CHIC1: variants seen among roughly 807,000 people sequenced by gnomAD.
CHIC1 encodes cysteine rich hydrophobic domain 1, also known as cysteine-rich hydrophobic domain-containing protein 1.
A neutral mutation model predicts 18.5 loss-of-function variants in CHIC1; 7 were observed. The observed-to-expected ratio is 0.38, with a 90% CI of 0.22 to 0.71. The LOEUF (loss-of-function observed/expected upper bound fraction) is 0.71. Ranked by LOEUF, CHIC1 falls within the 30% of genes least tolerant of loss-of-function variation. The pLI, the probability that CHIC1 is intolerant of heterozygous loss-of-function variation, is 0.49. For missense variants in CHIC1, 159 were observed against 176.9 expected, an observed-to-expected ratio of 0.90 and a Z score of 0.57; for synonymous variants, 77 against 73.5, an observed-to-expected ratio of 1.05 and a Z score of -0.25.
chrX:73,664,673 T>C (rs892435366), intron 3 of CHIC1, among the ~76,000 whole-genome samples: 1 of 111,690 alleles, frequency 9.0e-6, no homozygotes, highest in Admixed American at 9.5e-5. Flanking sequence ...AACTCCACTT[T>C]GGGGAATTCA....
intron 3 of CHIC1, among the ~76,000 whole-genome samples, chrX:73,668,821 A>T (rs1381191974): frequency 8.9e-6 from 1 of 112,363 alleles, no homozygotes; most frequent in Non-Finnish European, 1.9e-5. Context: ...AGTCAGGAGG[A>T]ACAAGATCAG....
intron 3 of CHIC1, among the ~76,000 whole-genome samples, chrX:73,601,698 A>G (rs2057651450): frequency 9.6e-6 from 1 of 103,750 alleles, no homozygotes. Context: ...GAAGGCAAGA[A>G]ATAACTAAAA....
chrX:73,678,951 A>G lies in CHIC1; in HGVS notation c.508-375A>G, dbSNP rs890302329. On this transcript the variant is annotated intron_variant, in intron 3 of 5. Coordinates refer to ENST00000373502, the MANE Select transcript of CHIC1 (RefSeq NM_001039840.4). ...TTAGATGATTATTTAAAGTAATCCT[A>G]AGACAGTTATGTGAAAATCTAGATT... Among the ~76,000 whole-genome samples, 26 of 112,094 alleles carry G rather than the reference A, an allele frequency of 2.3e-4. No individual in the cohort carries two copies. In the Admixed American group the frequency reaches 2.4e-3, roughly 10 times the overall value.
At chrX:73,606,751 T>C (rs2147572030) in intron 3 of CHIC1, among the ~76,000 whole-genome samples, 1 of 109,031 alleles carries the variant, frequency 9.2e-6, no homozygotes, top group African/African-American at 3.6e-5. Flanking sequence ...GCTGCAGGAC[T>C]GCTGAAGTTT....
At chrX:73,572,936 A>C (rs1268189013) in intron 1 of CHIC1, among the ~76,000 whole-genome samples, 1 of 111,137 alleles carries the variant, frequency 9.0e-6, no homozygotes, top group East Asian at 2.8e-4. Flanking sequence ...GCTGTGCAGA[A>C]GCTCTTTAGT....
chrX:73,649,856 G>A (rs1324388284), intron 3 of CHIC1, among the ~76,000 whole-genome samples: 7 of 112,213 alleles, frequency 6.2e-5, no homozygotes, highest in African/African-American at 2.3e-4. Flanking sequence ...GACATCTAAA[G>A]AACTCTCCAC....
At chrX:73,567,863 T>G (rs1390196477) in intron 1 of CHIC1, among the ~76,000 whole-genome samples, 1 of 109,547 alleles carries the variant, frequency 9.1e-6, no homozygotes, top group Non-Finnish European at 1.9e-5. Flanking sequence ...ATGCTAATAT[T>G]CACCTCCCGT....
intron 3 of CHIC1, among the ~76,000 whole-genome samples, chrX:73,607,539 A>C (rs755844483): frequency 9.3e-6 from 1 of 107,957 alleles, no homozygotes; most frequent in Non-Finnish European, 1.9e-5. Context: ...TGAAAAAAAA[A>C]CACTTCTGCA....
At chrX:73,669,287 CT>C (rs2147623538) in intron 3 of CHIC1, among the ~76,000 whole-genome samples, 1 of 112,190 alleles carries the variant, frequency 8.9e-6, no homozygotes, top group Non-Finnish European at 1.9e-5. Flanking sequence ...GCAGGCATGG[CT>C]GAAAGGTCCT....
chrX:73,655,645 GTGTGTATATA>G (rs1160165598), intron 3 of CHIC1, among the ~76,000 whole-genome samples: 34 of 32,811 alleles, frequency 1.0e-3, no homozygotes, highest in East Asian at 6.6e-3. Context: ...GTGTGTGTGT[GTGTGTATATA>G]TATATATATA....
chrX:73,652,201 G>C (rs2057920328), intron 3 of CHIC1, among the ~76,000 whole-genome samples: 1 of 111,778 alleles, frequency 8.9e-6, no homozygotes, highest in South Asian at 3.7e-4. Flanking sequence ...AGCAGAAACT[G>C]TACCCCTTCC....
At chrX:73,578,250 G>A (rs1280986242) in intron 2 of CHIC1, among the ~76,000 whole-genome samples, 3 of 110,665 alleles carry the variant, frequency 2.7e-5, no homozygotes, top group Non-Finnish European at 5.8e-5. Context: ...ATATTTGGAA[G>A]ATCATCTTAT....
At chrX:73,677,750 A>C (rs984581999) in intron 3 of CHIC1, among the ~76,000 whole-genome samples, 1 of 111,773 alleles carries the variant, frequency 8.9e-6, no homozygotes, top group Non-Finnish European at 1.9e-5. Flanking sequence ...ACTGTCCTGC[A>C]CCTACTTTCT....
At chrX:73,633,002 C>T (rs1049953817) in intron 3 of CHIC1, among the ~76,000 whole-genome samples, 9 of 109,524 alleles carry the variant, frequency 8.2e-5, no homozygotes, top group Non-Finnish European at 1.1e-4. Flanking sequence ...TCTCCTGACC[C>T]GTGATCCGCC....
chrX:73,602,567 G>T lies in CHIC1; in HGVS notation c.507+17995G>T, dbSNP rs189144490. Among the ~76,000 whole-genome samples the T allele has an allele frequency of 4.6e-5, 5 of 108,956 alleles. 1 individual carries two copies. Among genetic ancestry groups the T allele is most frequent in the African/African-American group, 1.8e-4 (5 of 28,152 alleles). The allele number at this position is 108,956 out of a possible 115,157, so 94.6% of individuals were successfully genotyped here. ...GGCTTTTGTTGCCATTGGTTTTGGT[G>T]TTTCAGTCATGAAGTCTTTGCCCAT... On this transcript the variant is annotated intron_variant, in intron 3 of 5. Coordinates refer to ENST00000373502, the MANE Select transcript of CHIC1 (RefSeq NM_001039840.4).
Position 73,563,500 on chromosome X carries a change from G to A in CHIC1, c.216G>A (p.Pro72=). 3 of 1,166,266 alleles carry A rather than the reference G, an allele frequency of 2.6e-6. No homozygotes were observed. The highest frequency in any genetic ancestry group is 3.4e-6 in the Non-Finnish European group (3 of 872,471). The change falls in exon 1 of 6, where the codon CCG becomes CCA. Residue 72 remains proline, a synonymous_variant. Transcript: ENST00000373502. ...EEEEEEEAPP[P]PRVVSEEHLR... is the part of the protein sequence containing the mutation. ...AAGAGGAGGAGGAAGCGCCGCCCCC[G>A]CCTCGGGTAGTGAGCGAGGAGCATC...
In CHIC1 at chrX:73,670,668, ACTT is replaced by A. The variant is rs1468121989; in HGVS notation, c.508-8654_508-8652del. Among the ~76,000 whole-genome samples the A allele has an allele frequency of 3.6e-5, 4 of 109,799 alleles. No homozygotes were observed. In the East Asian group the frequency reaches 1.2e-3, roughly 32 times the overall value. On this transcript the variant is annotated intron_variant, in intron 3 of 5. Coordinates refer to ENST00000373502, the MANE Select transcript of CHIC1 (RefSeq NM_001039840.4). Reference sequence around the variant, plus strand: ...TTGATGTAGGCATTTATTGCTATAAACTTCTTAGTATTGCTTTTGCTGTATCTT... The same window carrying A: ...TTGATGTAGGCATTTATTGCTATAAACTTAGTATTGCTTTTGCTGTATCTT...
intron 3 of CHIC1, among the ~76,000 whole-genome samples, chrX:73,665,322 C>A (rs891236817): frequency 2.7e-5 from 3 of 111,047 alleles, no homozygotes; most frequent in Non-Finnish European, 5.7e-5. Flanking sequence ...CTTACTAAAG[C>A]CCATACTGTT....
chrX:73,624,595 C>G (rs2057775188), intron 3 of CHIC1, among the ~76,000 whole-genome samples: 1 of 111,826 alleles, frequency 8.9e-6, no homozygotes, highest in Admixed American at 9.5e-5. Context: ...TTTAACTGCT[C>G]AATATAATTT....
Sources: gnomAD v4.1 joint callset for allele counts (sites outside exome capture counted in the v4.1 genomes callset) on GRCh38, gnomAD v4.1.1 for gene constraint, MANE v1.5 for transcripts, NCBI Gene and HGNC (gene_info 2026-07-23, HGNC 2026-07-21) for gene names.